The following COL23A1 variants were observed in gnomAD, a reference collection of about 807,000 sequenced individuals.
COL23A1 encodes collagen alpha-1(XXIII) chain.
A neutral mutation model predicts 99.3 loss-of-function variants in COL23A1; 97 were observed. That is an observed-to-expected ratio of 0.98 (90% confidence interval 0.83 to 1.16). The LOEUF (loss-of-function observed/expected upper bound fraction) is 1.16. Ranked by LOEUF, COL23A1 falls within the 50% of genes most tolerant of loss-of-function variation. The pLI is 0.00. For synonymous variants in COL23A1, 320 were observed against 308.2 expected (o/e 1.04, Z -0.40); for missense variants, 762 against 757.4 (o/e 1.01, Z -0.07).
intron 2 of COL23A1, among the ~76,000 whole-genome samples, chr5:178,407,597 CAA>C (rs34104206): frequency 0.16 from 23,702 of 151,708 alleles, 2,402 homozygotes; most frequent in Middle Eastern, 0.26. Flanking sequence ...ACACCTGAAA[CAA>C]ATGAAAAAAC....
intron 2 of COL23A1, among the ~76,000 whole-genome samples, chr5:178,348,173 C>T (rs925116558): frequency 6.6e-6 from 1 of 152,162 alleles, no homozygotes; most frequent in Non-Finnish European, 1.5e-5. Flanking sequence ...ACTGGCCTTG[C>T]CTTGGCCTCT....
Position 178,247,822 on chromosome 5 carries a change from T to C in COL23A1, c.1222A>G (p.Ile408Val), listed in dbSNP as rs749708127. 6.2e-7 allele frequency: 1 copy of C among 1,612,804 alleles called. No homozygotes were observed. The highest frequency in any genetic ancestry group is 8.5e-7 in the Non-Finnish European group (1 of 1,179,362). The part of the protein sequence containing the change: ...DSLQESLAQL[I>V]VEPGPPGPPG... Reference sequence around the variant, plus strand: ...GGGCCAGGGGGCCCTGGCTCCACTATGAGCTGAGCCTAGGGAGGGTGAGAG... The same window carrying C: ...GGGCCAGGGGGCCCTGGCTCCACTACGAGCTGAGCCTAGGGAGGGTGAGAG... The change falls in exon 21 of 29, where the codon ATA becomes GTA. Residue 408 changes from isoleucine to valine, a missense_variant. Coordinates refer to ENST00000390654, the MANE Select transcript of COL23A1 (RefSeq NM_173465.4).
intron 2 of COL23A1, among the ~76,000 whole-genome samples, chr5:178,447,708 T>A (rs1207992477): frequency 6.6e-6 from 1 of 152,202 alleles, no homozygotes; most frequent in African/African-American, 2.4e-5. Flanking sequence ...TGCATCCCAG[T>A]TGTTAAGCTA....
chr5:178,288,158 A>T (rs1230565062), intron 5 of COL23A1, among the ~76,000 whole-genome samples, 166 bp downstream of exon 5: 1 of 152,162 alleles, frequency 6.6e-6, no homozygotes, highest in Non-Finnish European at 1.5e-5. Context: ...AGATCTGTGC[A>T]GCCTTTACCT....
intron 2 of COL23A1, among the ~76,000 whole-genome samples, chr5:178,514,570 T>G (rs1443318599): frequency 6.6e-6 from 1 of 152,200 alleles, no homozygotes; most frequent in Non-Finnish European, 1.5e-5. Flanking sequence ...TTCACCATAC[T>G]TGGTCCACAT....
chr5:178,349,688 C>G (rs1761207364), intron 2 of COL23A1, among the ~76,000 whole-genome samples: 1 of 152,214 alleles, frequency 6.6e-6, no homozygotes, highest in Non-Finnish European at 1.5e-5. Context: ...ATGGACTCCA[C>G]ACCAGAGTGT....
At chr5:178,402,635 G>A (rs1180478529) in intron 2 of COL23A1, among the ~76,000 whole-genome samples, 2 of 151,956 alleles carry the variant, frequency 1.3e-5, no homozygotes, top group African/African-American at 2.4e-5. Flanking sequence ...GCCTGTAGTC[G>A]CAGCTACTTG....
At chr5:178,555,042 T>TA (rs1452947334) in intron 2 of COL23A1, among the ~76,000 whole-genome samples, 2 of 152,082 alleles carry the variant, frequency 1.3e-5, no homozygotes, top group African/African-American at 4.8e-5. Flanking sequence ...CTGTGCGGCT[T>TA]AAAACAGCAG....
chr5:178,290,350 C>G lies in COL23A1; in HGVS notation c.414+12G>C, dbSNP rs767615615. 1.9e-6 allele frequency: 3 copies of G among 1,613,992 alleles called. No homozygotes were observed. The highest frequency in any genetic ancestry group is 1.7e-6 in the Non-Finnish European group (2 of 1,180,014). On this transcript the variant is annotated intron_variant, in intron 4 of 28. Transcript: ENST00000390654. ...TCTTTCAGAAGCAGACAGCACAGTC[C>G]AGGACACTTACTGGAGGACCTGCAA...
rs1331587676 is a variant in COL23A1 at position 178,585,601 on chromosome 5, A to ATG, written c.294+4302_294+4303insCA. On this transcript the variant is annotated intron_variant, in intron 1 of 28. Transcript: ENST00000390654. ...CACAGCCCTGGATGGCGCTGGGGTA[A>ATG]CACTCCACAGCCCTGGATGGCGCTG... 6.9e-4 allele frequency among the ~76,000 whole-genome samples: 105 copies of ATG among 151,926 alleles called. 4 individuals carry two copies. Among genetic ancestry groups the ATG allele is most frequent in the Middle Eastern group, 3.4e-3 (1 of 292 alleles).
rs116995773 is a variant in COL23A1 at position 178,440,302 on chromosome 5, G to A, written c.361+120380C>T. Among the ~76,000 whole-genome samples the A allele has an allele frequency of 3.9e-3, 599 of 152,214 alleles. 11 individuals are homozygous for A. In the East Asian group the frequency reaches 0.062, roughly 16 times the overall value. ...CAACTCCCCAGGACCCAAGCCCCGT[G>A]GAACTCTCTCCAGGCTCATGACCCC... On this transcript the variant is annotated intron_variant, in intron 2 of 28. Coordinates refer to ENST00000390654, the MANE Select transcript of COL23A1 (RefSeq NM_173465.4).
At chr5:178,516,397 G>A (rs940142033) in intron 2 of COL23A1, among the ~76,000 whole-genome samples, 11 of 152,162 alleles carry the variant, frequency 7.2e-5, no homozygotes, top group East Asian at 1.9e-4. Flanking sequence ...GCCCGATGAC[G>A]GCTCTCTGCC....
intron 2 of COL23A1, among the ~76,000 whole-genome samples, chr5:178,531,861 G>T (rs1462982666): frequency 6.6e-6 from 1 of 152,168 alleles, no homozygotes; most frequent in Non-Finnish European, 1.5e-5. Flanking sequence ...CGCTCCCTCT[G>T]GCCAGTGCAG....
At chr5:178,498,389 C>T (rs1319998188) in intron 2 of COL23A1, among the ~76,000 whole-genome samples, 1 of 149,706 alleles carries the variant, frequency 6.7e-6, no homozygotes, top group East Asian at 1.9e-4. Flanking sequence ...GTAGAATATC[C>T]TCCGAGTGTT....
intron 1 of COL23A1, among the ~76,000 whole-genome samples, chr5:178,578,101 G>A (rs562936749): frequency 6.1e-5 from 9 of 147,994 alleles, no homozygotes; most frequent in Non-Finnish European, 1.2e-4. Context: ...GCATGCACAC[G>A]CCCACATGCA....
chr5:178,495,506 C>T (rs1758149938), intron 2 of COL23A1, among the ~76,000 whole-genome samples: 1 of 152,114 alleles, frequency 6.6e-6, no homozygotes, highest in African/African-American at 2.4e-5. Flanking sequence ...CCCGAATCCT[C>T]TGGAGAGATG....
At chr5:178,290,755 T>C (rs1757413958) in intron 3 of COL23A1, among the ~76,000 whole-genome samples, 1 of 151,338 alleles carries the variant, frequency 6.6e-6, no homozygotes, top group Non-Finnish European at 1.5e-5. Context: ...GGAGCAAACA[T>C]TTTGGACAGA....
At chr5:178,389,933 C>T (rs996518634) in intron 2 of COL23A1, among the ~76,000 whole-genome samples, 3 of 152,210 alleles carry the variant, frequency 2.0e-5, no homozygotes, top group Non-Finnish European at 4.4e-5. Flanking sequence ...GTAAGCTCCC[C>T]CTTGCCACTA....
rs958348391 is a variant in COL23A1 at position 178,311,509 on chromosome 5, CGT to C, written c.362-4592_362-4591del. The stretch of plus-strand genomic sequence containing the variant: ...CTGTGTGTGTGTGTGTGTGTGTGCG[CGT>C]GTGTGTGTGTGTGTGTGTGTAATGC... On this transcript the variant is annotated intron_variant, in intron 2 of 28. Coordinates refer to ENST00000390654, the MANE Select transcript of COL23A1 (RefSeq NM_173465.4). Among the ~76,000 whole-genome samples the C allele has an allele frequency of 3.9e-3, 105 of 27,084 alleles. No homozygotes were observed. In the South Asian group the frequency reaches 0.058, roughly 15 times the overall value. 17.8% of individuals were successfully genotyped at this position (27,084 alleles called of 152,430 possible).
Sources: allele counts gnomAD v4.1 joint callset (sites outside exome capture counted in the v4.1 genomes callset), GRCh38; gene constraint gnomAD v4.1.1; transcripts MANE v1.5; gene names NCBI Gene and HGNC (gene_info 2026-07-23, HGNC 2026-07-21).